Variants in HS3ST4 observed in about 807,000 individuals in gnomAD.
The protein encoded by HS3ST4 is heparan sulfate glucosamine 3-O-sulfotransferase 4.
A neutral mutation model predicts 29.2 loss-of-function variants in HS3ST4; 17 were observed. The observed-to-expected ratio is 0.58, with a 90% CI of 0.40 to 0.87. The LOEUF is 0.87. Among genes scored for constraint, HS3ST4 ranks in the 40% least tolerant of loss-of-function variants. The probability of loss-of-function intolerance (pLI) is 0.00; values close to 1 mark genes in which losing one functional copy is unlikely to be tolerated. For missense variants in HS3ST4, 627 were observed against 634.5 expected, an observed-to-expected ratio of 0.99 and a Z score of 0.13; for synonymous variants, 314 against 285.7, an observed-to-expected ratio of 1.10 and a Z score of -1.00.
rs542921624 is a variant in HS3ST4, at chr16:26,101,977, A to G, written c.735-33635A>G. Among the ~76,000 whole-genome samples the G allele has an allele frequency of 9.2e-5, 14 of 152,298 alleles. 1 individual carries two copies. In the South Asian group the frequency reaches 2.5e-3, roughly 27 times the overall value. ...GTGGCCCAAACAATGAGGTCTTACT[A>G]CAATAGCATGGGCTGTTTTCCAAAT... On this transcript the variant is annotated intron_variant, in intron 1 of 1. Coordinates refer to ENST00000331351, the MANE Select transcript of HS3ST4 (RefSeq NM_006040.3).
At chr16:25,886,836 C>T (rs901621455) in intron 1 of HS3ST4, 3 of 152,208 alleles carry the variant, frequency 2.0e-5, no homozygotes, top group African/African-American at 7.2e-5. Context: ...CCCTGGAGAA[C>T]CCCGCAGGTG....
intron 1 of HS3ST4, among the ~76,000 whole-genome samples, chr16:26,070,996 A>T (rs1000259679): frequency 6.6e-6 from 1 of 152,214 alleles, no homozygotes; most frequent in Non-Finnish European, 1.5e-5. Context: ...GAAACCTCAG[A>T]CATTCTGTGC....
chr16:26,063,569 C>G (rs1274045793), intron 1 of HS3ST4, among the ~76,000 whole-genome samples: 2 of 151,300 alleles, frequency 1.3e-5, no homozygotes, highest in Non-Finnish European at 2.9e-5. Context: ...TGGTGGTGCA[C>G]ACCTATAGTC....
intron 1 of HS3ST4, among the ~76,000 whole-genome samples, chr16:25,780,166 C>T (rs1014890879): frequency 6.6e-5 from 10 of 152,150 alleles, no homozygotes; most frequent in Admixed American, 2.0e-4. Flanking sequence ...TAGGATGCAC[C>T]GTGTTCAATC....
At chr16:25,781,913 G>A (rs1966852975) in intron 1 of HS3ST4, among the ~76,000 whole-genome samples, 1 of 151,998 alleles carries the variant, frequency 6.6e-6, no homozygotes, top group Admixed American at 6.6e-5. Context: ...AAACCTTACT[G>A]TACAGAAAAA....
chr16:26,060,110 A>T (rs539248622), intron 1 of HS3ST4, among the ~76,000 whole-genome samples: 4 of 152,042 alleles, frequency 2.6e-5, no homozygotes, highest in Admixed American at 2.0e-4. Flanking sequence ...GATTGTTTTG[A>T]TTGTTGTCAG....
chr16:26,079,615 G>A (rs545198726), intron 1 of HS3ST4, among the ~76,000 whole-genome samples: 9 of 152,294 alleles, frequency 5.9e-5, no homozygotes, highest in African/African-American at 1.9e-4. Context: ...GTAAACTGAG[G>A]CTCAGAGAAG....
chr16:25,696,524 A>G (rs142014850), intron 1 of HS3ST4, among the ~76,000 whole-genome samples: 19 of 151,944 alleles, frequency 1.3e-4, no homozygotes, highest in Admixed American at 2.6e-4. Context: ...TTTGAGATGA[A>G]GTCTTGCTCT....
At chr16:25,760,332 C>T (rs909935133) in intron 1 of HS3ST4, among the ~76,000 whole-genome samples, 2 of 152,074 alleles carry the variant, frequency 1.3e-5, no homozygotes, top group African/African-American at 4.8e-5. Flanking sequence ...GTGTCCTCAC[C>T]TGGTCATCCA....
At position 26,072,969 on chromosome 16, in the gene HS3ST4, C is replaced by A. The variant is rs572038443; in HGVS notation, c.735-62643C>A. On this transcript the variant is annotated intron_variant, in intron 1 of 1. Coordinates refer to ENST00000331351, the MANE Select transcript of HS3ST4 (RefSeq NM_006040.3). ...AATAAATCTGCTTAAGTAAAGCATCCTTTAAAAAGAGAAAAGAGCCTGTTT... is the reference window on the plus strand; with the variant it reads ...AATAAATCTGCTTAAGTAAAGCATCATTTAAAAAGAGAAAAGAGCCTGTTT... Among the ~76,000 whole-genome samples, 76 of 152,268 alleles carry A rather than the reference C, an allele frequency of 5.0e-4. 1 individual carries two copies. The highest frequency in any genetic ancestry group is 5.0e-3 in the South Asian group (24 of 4,818).
intron 1 of HS3ST4, among the ~76,000 whole-genome samples, chr16:25,723,092 T>C (rs775387675): frequency 6.6e-6 from 1 of 152,128 alleles, no homozygotes; most frequent in Non-Finnish European, 1.5e-5. Flanking sequence ...AAGAACAATA[T>C]TGGGGAAATC....
intron 1 of HS3ST4, among the ~76,000 whole-genome samples, chr16:25,901,280 A>C: frequency 6.6e-6 from 1 of 152,212 alleles, no homozygotes; most frequent in East Asian, 1.9e-4. Flanking sequence ...GGCTCTCAGC[A>C]TCTGCAGAAA....
intron 1 of HS3ST4, among the ~76,000 whole-genome samples, chr16:25,796,860 T>C (rs1451884440): frequency 1.3e-5 from 2 of 152,206 alleles, no homozygotes; most frequent in Non-Finnish European, 2.9e-5. Context: ...ACTTTTGCCA[T>C]GGCAAGGGGT....
At chr16:25,743,758 G>A (rs148508923) in intron 1 of HS3ST4, among the ~76,000 whole-genome samples, 2,058 of 152,126 alleles carry the variant, frequency 0.014, 39 homozygotes, top group African/African-American at 0.046. Context: ...TGCCCACCTC[G>A]GCCTCCCAAA....
intron 1 of HS3ST4, among the ~76,000 whole-genome samples, chr16:25,773,830 A>G (rs930582489): frequency 3.3e-5 from 5 of 152,022 alleles, no homozygotes; most frequent in Non-Finnish European, 5.9e-5. Flanking sequence ...TCCCGTGTCG[A>G]TTATACTACT....
chr16:25,828,301 C>CCTCTCTCTCTCTCTCTCT (rs1196055715), intron 1 of HS3ST4, among the ~76,000 whole-genome samples: 15 of 32,898 alleles, frequency 4.6e-4, no homozygotes, highest in African/African-American at 1.1e-3. Context: ...TCTTTCTTTC[C>CCTCTCTCTCTCTCTCTCT]CTCTCTCTCT....
At chr16:25,771,010 A>G (rs1351185056) in intron 1 of HS3ST4, among the ~76,000 whole-genome samples, 3 of 151,842 alleles carry the variant, frequency 2.0e-5, no homozygotes, top group African/African-American at 7.3e-5. Flanking sequence ...TCTGAGATAC[A>G]TGTGCAGAAC....
intron 1 of HS3ST4, among the ~76,000 whole-genome samples, chr16:26,028,196 G>C (rs57233583): frequency 0.16 from 23,597 of 149,272 alleles, 3,450 homozygotes; most frequent in African/African-American, 0.39. Flanking sequence ...TTGCTTGAAC[G>C]TGGGAAGCAG....
At chr16:25,855,595 T>C (rs1042935391) in intron 1 of HS3ST4, among the ~76,000 whole-genome samples, 1 of 152,206 alleles carries the variant, frequency 6.6e-6, no homozygotes, top group African/African-American at 2.4e-5. Flanking sequence ...ATAATCACTA[T>C]TTTAATGTTA....
Sources: allele counts gnomAD v4.1 joint callset (sites outside exome capture counted in the v4.1 genomes callset), GRCh38; gene constraint gnomAD v4.1.1; transcripts MANE v1.5; gene names NCBI Gene and HGNC (gene_info 2026-07-23, HGNC 2026-07-21).